Variants in MTHFSD observed in about 807,000 individuals in gnomAD.
MTHFSD encodes the protein methenyltetrahydrofolate synthetase domain containing.
MTHFSD carries 37 observed loss-of-function variants against 31.1 expected under a neutral mutation model. The ratio of observed to expected loss-of-function variants is 1.19; its 90% CI spans 0.91 to 1.56. The LOEUF (loss-of-function observed/expected upper bound fraction) is 1.56. MTHFSD is among the 40% of genes most tolerant of loss of function. MTHFSD has a pLI of 0.00. For synonymous variants in MTHFSD, 221 were observed against 206.9 expected, an observed-to-expected ratio of 1.07 and a Z score of -0.59; for missense variants, 664 against 510.1, an observed-to-expected ratio of 1.30 and a Z score of -2.91.
chr16:86,555,221 G>A lies in MTHFSD; in HGVS notation c.-37C>T, dbSNP rs937704628. 1.2e-5 allele frequency: 18 copies of A among 1,535,672 alleles called. No individual in the cohort carries two copies. The highest frequency in any genetic ancestry group is 1.5e-5 in the Non-Finnish European group (17 of 1,146,126). ...CGCTGTGCGACGCTTCCCGGCGCAGGTTCTGGCGCGTAGTGACGTCACCCG... is the reference window on the plus strand; with the variant it reads ...CGCTGTGCGACGCTTCCCGGCGCAGATTCTGGCGCGTAGTGACGTCACCCG... On this transcript the variant is annotated 5_prime_UTR_variant, in exon 1 of 8. Transcript: ENST00000360900.
At position 86,532,429 on chromosome 16, in the gene MTHFSD, C is replaced by T. The variant is rs200230356; in HGVS notation, c.734G>A (p.Arg245Gln). The T allele has an allele frequency of 4.7e-4, 690 of 1,478,240 alleles. 1 individual carries two copies. The highest frequency in any genetic ancestry group is 5.3e-4 in the Non-Finnish European group (594 of 1,113,606). 91.6% of individuals were successfully genotyped at this position (1,478,240 alleles called of 1,614,324 possible). A position where few individuals can be genotyped will look rare whatever the true frequency, so the allele number is the denominator to read the frequency against. The change falls in exon 8 of 8, where the codon CGA becomes CAA. Residue 245 changes from arginine (R) to glutamine (Q), a missense_variant. Coordinates refer to ENST00000360900, the MANE Select transcript of MTHFSD (RefSeq NM_001159377.2). ...GACATCCTTCCCAGCCTGCTGCTCTCGGGCGCGGAGGCTCCTCAGTATGGG... is the reference window on the plus strand; with the variant it reads ...GACATCCTTCCCAGCCTGCTGCTCTTGGGCGCGGAGGCTCCTCAGTATGGG... ...KIPILRSLRA[R>Q]EQQAGKDVTL...
intron 6 of MTHFSD, 107 bp from the exon 7 acceptor site, chr16:86,541,929 A>AGTGGATTTGGGGG: frequency 6.7e-7 from 1 of 1,491,698 alleles, no homozygotes; most frequent in Non-Finnish European, 9.2e-7. Flanking sequence ...GCACCCCCAA[A>AGTGGATTTGGGGG]TCCACTCTGG....
At chr16:86,546,047 T>C (rs1391159091) in intron 5 of MTHFSD, among the ~76,000 whole-genome samples, 1 of 152,188 alleles carries the variant, frequency 6.6e-6, no homozygotes, top group Non-Finnish European at 1.5e-5. Context: ...CTGCCTCACA[T>C]GCAGCGTGGC....
Position 86,554,523 on chromosome 16 carries a change from CCACTGCT to C in MTHFSD, c.123+115_123+121del, listed in dbSNP as rs143089606. 5.7e-4 allele frequency: 456 copies of C among 796,708 alleles called. 2 individuals carry two copies. The East Asian group carries it at 0.011, about 19-fold the overall frequency. The allele number at this position is 796,708 out of a possible 1,614,324, so 49.4% of individuals were successfully genotyped here. A position where few individuals can be genotyped will look rare whatever the true frequency, so the allele number is the denominator to read the frequency against. ...CTGGCCAAATGGCTTTGATTTCACA[CCACTGCT>C]CACTGCTCGCCACATTCTCATCCAC... On this transcript the variant is annotated intron_variant, in intron 2 of 7. Coordinates refer to ENST00000360900, the MANE Select transcript of MTHFSD (RefSeq NM_001159377.2).
chr16:86,539,566 G>C (rs770958628), intron 7 of MTHFSD, among the ~76,000 whole-genome samples: 1 of 152,172 alleles, frequency 6.6e-6, no homozygotes, highest in Non-Finnish European at 1.5e-5. Flanking sequence ...GGAAACTCTT[G>C]ACTGCTAAAC....
Position 86,531,869 on chromosome 16 carries a change from T to G in MTHFSD, c.*142A>C. The G allele has an allele frequency of 1.9e-6, 1 of 519,688 alleles. No homozygotes were observed. 32.2% of individuals were successfully genotyped at this position (519,688 alleles called of 1,614,324 possible). A position where few individuals can be genotyped will look rare whatever the true frequency, so the allele number is the denominator to read the frequency against. ...CCTGGGCGTTCACTGAGCGGTGACT[T>G]CTGAGAAGAATTGAGACCCGAGCAG... On this transcript the variant is annotated 3_prime_UTR_variant, in exon 8 of 8. Coordinates refer to ENST00000360900, the MANE Select transcript of MTHFSD (RefSeq NM_001159377.2). The surrounding 1 kb of genome is among the most constrained non-coding windows in gnomAD (Gnocchi z 5.5).
Position 86,532,091 on chromosome 16 carries a change from C to G in MTHFSD, c.1072G>C (p.Ala358Pro). The change falls in exon 8 of 8, where the codon GCC becomes CCC. Residue 358 changes from alanine (A) to proline (P), a missense_variant. Coordinates refer to ENST00000360900, the MANE Select transcript of MTHFSD (RefSeq NM_001159377.2). ...HYPDSAAAQQAVSCLQGLRLG... is the reference protein window; with the variant it reads ...HYPDSAAAQQPVSCLQGLRLG... ...CGCAGGCCCTGCAAGCAGGAGACGG[C>G]CTGCTGGGCTGCGGCAGAGTCCGGG... is the stretch of plus-strand genomic sequence containing the variant. 6.5e-7 allele frequency: 1 copy of G among 1,532,904 alleles called. No individual in the cohort carries two copies. Among genetic ancestry groups the G allele is most frequent in the Non-Finnish European group, 8.8e-7 (1 of 1,138,152 alleles). 95.0% of individuals were successfully genotyped at this position (1,532,904 alleles called of 1,614,324 possible). A position where few individuals can be genotyped will look rare whatever the true frequency, so the allele number is the denominator to read the frequency against.
chr16:86,532,424 G>C lies in MTHFSD; in HGVS notation c.739C>G (p.Gln247Glu). ...PILRSLRARE[Q>E]QAGKDVTLQG... The stretch of plus-strand genomic sequence containing the variant: ...AGGGTGACATCCTTCCCAGCCTGCT[G>C]CTCTCGGGCGCGGAGGCTCCTCAGT... The change falls in exon 8 of 8, where the codon CAG (glutamine) becomes GAG (glutamate). Residue 247 changes from glutamine to glutamate, a missense_variant. Gln to Glu is a conservative substitution (Grantham distance 29). Transcript: ENST00000360900. The C allele has an allele frequency of 2.7e-6, 4 of 1,481,274 alleles. No homozygotes were observed. Among genetic ancestry groups the C allele is most frequent in the Non-Finnish European group, 3.6e-6 (4 of 1,115,280 alleles). The allele number at this position is 1,481,274 out of a possible 1,614,324, so 91.8% of individuals were successfully genotyped here.
intron 5 of MTHFSD, among the ~76,000 whole-genome samples, chr16:86,545,924 G>A (rs903642769): frequency 2.6e-5 from 4 of 152,234 alleles, no homozygotes; most frequent in Non-Finnish European, 5.9e-5. Context: ...CCCCACATCA[G>A]CTCCAGTGGT....
At chr16:86,539,444 G>A (rs549732004) in intron 7 of MTHFSD, among the ~76,000 whole-genome samples, 2 of 152,342 alleles carry the variant, frequency 1.3e-5, no homozygotes, top group South Asian at 2.1e-4. Context: ...TGTTGACTGC[G>A]GCCATGCTCC....
In MTHFSD at chr16:86,542,213, C is replaced by T; in HGVS notation, c.443G>A (p.Gly148Asp). ...GCCTTCTCCCTTCCCGATTCTCCAG[C>T]CTAAGAGACAACCGAGAATCAGTAT... ...VVGSVAVSEK[G>D]WRIGKGEGYA... Residue 148 changes from glycine to aspartate, a missense_variant and splice_region_variant, in exon 6 of 8, where the codon GGC becomes GAC. Transcript: ENST00000360900. The surrounding 1 kb of genome is among the most constrained non-coding windows in gnomAD (Gnocchi z 4.6). 1 of 1,612,116 alleles carries T rather than the reference C, an allele frequency of 6.2e-7. No homozygotes were observed. The highest frequency in any genetic ancestry group is 8.5e-7 in the Non-Finnish European group (1 of 1,179,076).
Position 86,531,873 on chromosome 16 carries a change from A to T in MTHFSD, c.*138T>A. On this transcript the variant is annotated 3_prime_UTR_variant, in exon 8 of 8. Transcript: ENST00000360900. This position sits in a 1 kb window ranked among gnomAD's most constrained non-coding sequence, Gnocchi z 5.5. ...GGCGTTCACTGAGCGGTGACTTCTGAGAAGAATTGAGACCCGAGCAGCTCA... is the reference window on the plus strand; with the variant it reads ...GGCGTTCACTGAGCGGTGACTTCTGTGAAGAATTGAGACCCGAGCAGCTCA... 1 of 527,950 alleles carries T rather than the reference A, an allele frequency of 1.9e-6. No homozygotes were observed. Among genetic ancestry groups the T allele is most frequent in the Non-Finnish European group, 3.1e-6 (1 of 321,058 alleles). The allele number at this position is 527,950 out of a possible 1,614,324, so 32.7% of individuals were successfully genotyped here.
intron 7 of MTHFSD, among the ~76,000 whole-genome samples, chr16:86,539,298 C>A (rs545019081): frequency 2.2e-4 from 34 of 152,316 alleles, no homozygotes; most frequent in African/African-American, 7.7e-4. Context: ...TGCAGGACCC[C>A]ATCTTGGCTC....
rs762785279 is a variant in MTHFSD, at chr16:86,532,174, C to A, written c.989G>T (p.Gly330Val). The A allele has an allele frequency of 2.3e-5, 36 of 1,574,816 alleles. No individual in the cohort carries two copies. Among genetic ancestry groups the A allele is most frequent in the Admixed American group, 7.2e-5 (4 of 55,210 alleles). The change falls in exon 8 of 8, where the codon GGC (glycine) becomes GTC (valine). Residue 330 changes from glycine to valine, a missense_variant. Gly to Val is a moderately radical substitution (Grantham distance 109, BLOSUM62 -3). Transcript: ENST00000360900. ...SDLKRALREL[G>V]SVPLRLTWQG... ...CCAGGTGAGCCGCAGGGGCACGGAG[C>A]CGAGTTCCCGCAGGGCTCTCTTCAG...
chr16:86,555,065 C>A, intron 1 of MTHFSD, 104 bp downstream of exon 1: 1 of 1,489,014 alleles, frequency 6.7e-7, no homozygotes, highest in Non-Finnish European at 8.9e-7. Context: ...TCCGGTGATT[C>A]TGCCCCATCC....
intron 2 of MTHFSD, among the ~76,000 whole-genome samples, chr16:86,554,165 G>A (rs946724637): frequency 6.6e-6 from 1 of 152,102 alleles, no homozygotes; most frequent in African/African-American, 2.4e-5. Flanking sequence ...AATAAATCTT[G>A]CTGCTGCTCA....
rs80097567 is a variant in MTHFSD at position 86,547,181 on chromosome 16, A to G, written c.352-532T>C. ...CATATTTATTCAATATAAAATCCTG[A>G]AGGCCACTATCTTTATGTACAATAT... On this transcript the variant is annotated intron_variant, in intron 4 of 7. Transcript: ENST00000360900. The G allele has an allele frequency of 1.3e-3, 1,248 of 987,198 alleles. 6 individuals carry two copies. In the African/African-American group the frequency reaches 0.019, roughly 15 times the overall value. The allele number at this position is 987,198 out of a possible 1,614,324, so 61.2% of individuals were successfully genotyped here.
intron 3 of MTHFSD, among the ~76,000 whole-genome samples, chr16:86,551,363 T>A (rs1196499369): frequency 1.3e-5 from 2 of 152,186 alleles, no homozygotes; most frequent in Non-Finnish European, 2.9e-5. Context: ...TACTCGTGAT[T>A]TATCATGTTT....
chr16:86,544,827 C>A (rs1972046355), intron 5 of MTHFSD, among the ~76,000 whole-genome samples: 1 of 152,176 alleles, frequency 6.6e-6, no homozygotes, highest in South Asian at 2.1e-4. Flanking sequence ...CAACGATAGG[C>A]TGGATAAAGA....
Sources: gnomAD v4.1 joint callset for allele counts (sites outside exome capture counted in the v4.1 genomes callset) on GRCh38, gnomAD v4.1.1 for gene constraint, Gnocchi (gnomAD v3.1) non-coding constraint, MANE v1.5 for transcripts, NCBI Gene and HGNC (gene_info 2026-07-23, HGNC 2026-07-21) for gene names.